Variants in CYP7B1 observed in about 807,000 individuals in gnomAD.
CYP7B1 encodes the protein cytochrome P450 7B1.
A neutral mutation model predicts 42.7 loss-of-function variants in CYP7B1; 29 were observed. The observed-to-expected ratio is 0.68, with a 90% confidence interval of 0.51 to 0.93. CYP7B1 has a LOEUF of 0.93. CYP7B1 is among the 40% of genes least tolerant of loss of function. The pLI is 0.00. For missense variants in CYP7B1, 655 were observed against 600.5 expected (o/e 1.09, Z -0.95); for synonymous variants, 235 against 218.2 (o/e 1.08, Z -0.68).
At chr8:64,701,288 CAATT>C (rs974941959) in intron 1 of CYP7B1, among the ~76,000 whole-genome samples, 2 of 151,996 alleles carry the variant, frequency 1.3e-5, no homozygotes, top group Admixed American at 6.6e-5. Context: ...ACCCAAATGG[CAATT>C]TCAGTCTCTC....
At chr8:64,770,126 C>A (rs1430412941) in intron 1 of CYP7B1, among the ~76,000 whole-genome samples, 1 of 152,096 alleles carries the variant, frequency 6.6e-6, no homozygotes, top group Non-Finnish European at 1.5e-5. Flanking sequence ...TGTCATCAAG[C>A]CCATTTATGT....
chr8:64,771,787 T>C (rs1271625652), intron 1 of CYP7B1, among the ~76,000 whole-genome samples: 1 of 152,210 alleles, frequency 6.6e-6, no homozygotes, highest in African/African-American at 2.4e-5. Context: ...TAGACAAAAC[T>C]ATAACTCCAT....
chr8:64,672,329 T>C (rs1012052786), intron 1 of CYP7B1, among the ~76,000 whole-genome samples: 9 of 152,142 alleles, frequency 5.9e-5, no homozygotes, highest in African/African-American at 1.9e-4. Flanking sequence ...AGGTATGCAA[T>C]TGCTTTTATC....
At chr8:64,636,953 T>C (rs186961658) in intron 1 of CYP7B1, among the ~76,000 whole-genome samples, 4 of 152,330 alleles carry the variant, frequency 2.6e-5, no homozygotes, top group Non-Finnish European at 4.4e-5. Flanking sequence ...TTGGACTCCA[T>C]GGAAGAGATA....
rs1327460810 is a variant in CYP7B1, at chr8:64,595,726, TC to T, written c.*915del. Among the ~76,000 whole-genome samples, 1 of 152,184 alleles carries T rather than the reference TC, an allele frequency of 6.6e-6. No individual in the cohort carries two copies. Among genetic ancestry groups the T allele is most frequent in the Non-Finnish European group, 1.5e-5 (1 of 68,036 alleles). ...CAAAATAGAACACATGAACTCCAAA[TC>T]CAAAAGGTGAGACATCAAAACCAAA... On this transcript the variant is annotated 3_prime_UTR_variant, in exon 6 of 6. Transcript: ENST00000310193.
chr8:64,750,141 G>T (rs1010738095), intron 1 of CYP7B1, among the ~76,000 whole-genome samples: 1 of 152,150 alleles, frequency 6.6e-6, no homozygotes, highest in Admixed American at 6.5e-5. Flanking sequence ...TCCTTTCAAG[G>T]CTTTTTTATT....
intron 1 of CYP7B1, among the ~76,000 whole-genome samples, chr8:64,671,086 C>T (rs1356870500): frequency 6.6e-6 from 1 of 151,466 alleles, no homozygotes; most frequent in Non-Finnish European, 1.5e-5. Flanking sequence ...TAAATGCCTC[C>T]CCCCCATGTA....
chr8:64,750,241 T>C lies in CYP7B1; in HGVS notation c.122+48225A>G, dbSNP rs185720242. On this transcript the variant is annotated intron_variant, in intron 1 of 5. Coordinates refer to ENST00000310193, the MANE Select transcript of CYP7B1 (RefSeq NM_004820.5). ...GTCCAGAGTCATGAAGTTTCAGGGA[T>C]GAAATGATTCTCCACCTTTACCTCA... 2.0e-5 allele frequency among the ~76,000 whole-genome samples: 3 copies of C among 152,284 alleles called. No homozygotes were observed. In the East Asian group the frequency reaches 5.8e-4, roughly 29 times the overall value.
chr8:64,624,559 G>C lies in CYP7B1; in HGVS notation c.123-20C>G, dbSNP rs745311868. ...GGTCTCCTACAAGGAAAAAAAAAAA[G>C]ATAAAAGAACAAAAGAAAAATCAAA... On this transcript the variant is annotated intron_variant, in intron 1 of 5. Coordinates refer to ENST00000310193, the MANE Select transcript of CYP7B1 (RefSeq NM_004820.5). 5.0e-6 allele frequency: 8 copies of C among 1,605,170 alleles called. No homozygotes were observed. The highest frequency in any genetic ancestry group is 6.8e-6 in the Non-Finnish European group (8 of 1,176,296).
intron 1 of CYP7B1, 42 bp downstream of exon 1, chr8:64,798,424 G>GGGCCCAGGGCGCATGCGT (rs1804742700): frequency 2.1e-6 from 3 of 1,462,626 alleles, no homozygotes; most frequent in Admixed American, 2.8e-5. Context: ...GCGGCCCGCG[G>GGGCCCAGGGCGCATGCGT]GGCCCAGGGC....
chr8:64,761,860 A>T (rs1275433218), intron 1 of CYP7B1, among the ~76,000 whole-genome samples: 5 of 152,144 alleles, frequency 3.3e-5, no homozygotes, highest in Non-Finnish European at 5.9e-5. Context: ...ATGGTTGAAG[A>T]TGTAGTCCCA....
chr8:64,588,012 C>T (rs1330739906), downstream of CYP7B1, among the ~76,000 whole-genome samples: 1 of 152,146 alleles, frequency 6.6e-6, no homozygotes, highest in African/African-American at 2.4e-5. Flanking sequence ...TCCCAAAGAC[C>T]ACAGTTGCCC....
intron 2 of CYP7B1, among the ~76,000 whole-genome samples, chr8:64,621,484 C>T (rs1563366251): frequency 6.6e-6 from 1 of 152,088 alleles, no homozygotes; most frequent in Non-Finnish European, 1.5e-5. Context: ...AACATTCTGG[C>T]AGAAAGAACA....
chr8:64,604,798 C>T lies in CYP7B1; in HGVS notation c.1117G>A (p.Glu373Lys). 1.9e-6 allele frequency: 3 copies of T among 1,614,092 alleles called. No individual in the cohort carries two copies. Among genetic ancestry groups the T allele is most frequent in the Non-Finnish European group, 1.7e-6 (2 of 1,180,046 alleles). ...TCTGAACTGAGAGTCAAATCCTCCT[C>T]AACAAAACGAATGGTGGTTGAATAT... is the stretch of plus-strand genomic sequence containing the variant. ...SSYSTTIRFV[E>K]EDLTLSSETG... The change falls in exon 5 of 6, where the codon GAG becomes AAG. Residue 373 changes from glutamate (E) to lysine (K), a missense_variant. By Grantham distance (56) the Glu-to-Lys change is moderately conservative. Transcript: ENST00000310193.
intron 1 of CYP7B1, among the ~76,000 whole-genome samples, chr8:64,643,192 T>TATATATACATATATATACACAC (rs1563374454): frequency 8.7e-6 from 1 of 115,190 alleles, no homozygotes; most frequent in Non-Finnish European, 2.0e-5. Flanking sequence ...CATATATATA[T>TATATATACATATATATACACAC]ACACACACAC....
intron 1 of CYP7B1, among the ~76,000 whole-genome samples, chr8:64,797,641 CACAT>C (rs1804724765): frequency 6.6e-6 from 1 of 152,174 alleles, no homozygotes; most frequent in South Asian, 2.1e-4. Flanking sequence ...GTATCACACA[CACAT>C]AGATATCTAT....
chr8:64,766,811 C>T lies in CYP7B1; in HGVS notation c.122+31655G>A, dbSNP rs549570770. Among the ~76,000 whole-genome samples, 23 of 152,282 alleles carry T rather than the reference C, an allele frequency of 1.5e-4. No individual in the cohort carries two copies. In the South Asian group the frequency reaches 3.3e-3, roughly 22 times the overall value. ...CAGGACTGAGGGTGCCCAGGGCAAG[C>T]GCCAGCCCATGCCATCACCTTCACG... On this transcript the variant is annotated intron_variant, in intron 1 of 5. Coordinates refer to ENST00000310193, the MANE Select transcript of CYP7B1 (RefSeq NM_004820.5).
intron 1 of CYP7B1, among the ~76,000 whole-genome samples, chr8:64,654,355 C>T (rs1490949994): frequency 6.6e-6 from 1 of 152,186 alleles, no homozygotes; most frequent in Non-Finnish European, 1.5e-5. Flanking sequence ...ACAAAAATCA[C>T]TAGCATTCCT....
chr8:64,797,736 C>T (rs1249459324), intron 1 of CYP7B1, among the ~76,000 whole-genome samples: 1 of 152,084 alleles, frequency 6.6e-6, no homozygotes, highest in Non-Finnish European at 1.5e-5. Flanking sequence ...TTCTCAAAAG[C>T]GATGAACACC....
Sources: allele counts gnomAD v4.1 joint callset (sites outside exome capture counted in the v4.1 genomes callset), GRCh38; gene constraint gnomAD v4.1.1; transcripts MANE v1.5; gene names NCBI Gene and HGNC (gene_info 2026-07-23, HGNC 2026-07-21).